The following BMPER variants were observed in gnomAD, a reference collection of about 807,000 sequenced individuals.
BMPER encodes the protein BMP-binding endothelial regulator protein.
A neutral mutation model predicts 87.3 loss-of-function variants in BMPER; 45 were observed. The observed-to-expected ratio is 0.52, with a 90% confidence interval of 0.41 to 0.66. The LOEUF is 0.66. BMPER is among the 30% of genes least tolerant of loss of function. BMPER has a pLI of 0.00. For missense variants in BMPER, 784 were observed against 867.5 expected, an observed-to-expected ratio of 0.90 and a Z score of 1.21; for synonymous variants, 326 against 316.2, an observed-to-expected ratio of 1.03 and a Z score of -0.33.
chr7:33,986,803 C>T (rs1786023159), intron 6 of BMPER, among the ~76,000 whole-genome samples: 1 of 152,148 alleles, frequency 6.6e-6, no homozygotes, highest in Admixed American at 6.5e-5. Context: ...AAATATTAGT[C>T]TCAGAGTACT....
At chr7:33,940,027 T>C (rs1430325521) in intron 3 of BMPER, 2 of 226,078 alleles carry the variant, frequency 8.8e-6, no homozygotes, top group Non-Finnish European at 2.0e-5. Context: ...TTTTGGTGAG[T>C]TTTTTTTTTA....
chr7:34,065,701 T>TA (rs1371311853), intron 11 of BMPER, among the ~76,000 whole-genome samples: 1 of 152,212 alleles, frequency 6.6e-6, no homozygotes. Flanking sequence ...CTTGAATGAT[T>TA]AAAAAAAGTT....
chr7:33,923,713 C>T (rs1784290469), intron 2 of BMPER, among the ~76,000 whole-genome samples: 1 of 152,194 alleles, frequency 6.6e-6, no homozygotes, highest in Non-Finnish European at 1.5e-5. Context: ...TACAGTTGTT[C>T]ATGCACACAT....
chr7:34,007,767 G>C (rs1026124612), intron 6 of BMPER, among the ~76,000 whole-genome samples: 1 of 151,920 alleles, frequency 6.6e-6, no homozygotes, highest in Non-Finnish European at 1.5e-5. Context: ...TATATAATTA[G>C]TATAGATTTG....
intron 13 of BMPER, among the ~76,000 whole-genome samples, chr7:34,127,563 A>T (rs747622840): frequency 5.3e-5 from 8 of 151,988 alleles, no homozygotes; most frequent in Admixed American, 1.3e-4. Context: ...TGGATGTTCC[A>T]TCAGAAACAC....
Position 33,999,607 on chromosome 7 carries a change from G to A in BMPER, c.576+24823G>A, listed in dbSNP as rs79690514. 2.0e-5 allele frequency among the ~76,000 whole-genome samples: 3 copies of A among 152,270 alleles called. No individual in the cohort carries two copies. In the East Asian group the frequency reaches 5.8e-4, roughly 29 times the overall value. ...ATATCAGTTTCTCTTTTCTCTCAGAGCCTTTCCTTCTGGGACCTTCAGTCC... is the reference window on the plus strand; with the variant it reads ...ATATCAGTTTCTCTTTTCTCTCAGAACCTTTCCTTCTGGGACCTTCAGTCC... On this transcript the variant is annotated intron_variant, in intron 6 of 14. Transcript: ENST00000649409.
chr7:34,039,603 T>TACACACACACAC lies in BMPER; in HGVS notation c.577-6674_577-6663dup, dbSNP rs56214614. Among the ~76,000 whole-genome samples, 149 of 142,686 alleles carry TACACACACACAC rather than the reference T, an allele frequency of 1.0e-3. 1 individual carries two copies. Among genetic ancestry groups the TACACACACACAC allele is most frequent in the East Asian group, 6.6e-3 (31 of 4,684 alleles). 93.6% of individuals were successfully genotyped at this position (142,686 alleles called of 152,430 possible). ...TAATCTAGTGGGTAAGACACACAAA[T>TACACACACACAC]ACACACACACACACACACACACACA... On this transcript the variant is annotated intron_variant, in intron 6 of 14. Transcript: ENST00000649409.
At chr7:33,943,242 A>G (rs1343914130) in intron 3 of BMPER, among the ~76,000 whole-genome samples, 1 of 152,156 alleles carries the variant, frequency 6.6e-6, no homozygotes, top group African/African-American at 2.4e-5. Flanking sequence ...TGTATATATA[A>G]TTTTGTTTGT....
At chr7:33,925,025 C>T (rs1024875947) in intron 2 of BMPER, among the ~76,000 whole-genome samples, 3 of 152,170 alleles carry the variant, frequency 2.0e-5, no homozygotes, top group Non-Finnish European at 2.9e-5. Context: ...GTTCCCTTGT[C>T]CCGCTTGATT....
intron 6 of BMPER, among the ~76,000 whole-genome samples, chr7:34,031,704 T>C (rs886287422): frequency 2.6e-5 from 4 of 151,826 alleles, no homozygotes; most frequent in Admixed American, 1.3e-4. Context: ...ATAACACTTA[T>C]AGAGCAAGCA....
rs1478936573 is a variant in BMPER at position 34,154,343 on chromosome 7, C to T, written c.*1070C>T. On this transcript the variant is annotated 3_prime_UTR_variant, in exon 15 of 15. Coordinates refer to ENST00000649409, the MANE Select transcript of BMPER (RefSeq NM_001365308.1). ...AAAGAACAGTCTCTATACTTGCCCT[C>T]ATTTACTGATAGGCTGCTACTAGTT... The T allele has an allele frequency of 6.6e-6, 1 of 152,232 alleles. No homozygotes were observed. The highest frequency in any genetic ancestry group is 1.5e-5 in the Non-Finnish European group (1 of 68,042). The allele number at this position is 152,232 out of a possible 1,614,324, so 9.4% of individuals were successfully genotyped here. A position where few individuals can be genotyped will look rare whatever the true frequency, so the allele number is the denominator to read the frequency against.
At chr7:33,984,029 T>C (rs920965315) in intron 6 of BMPER, among the ~76,000 whole-genome samples, 6 of 152,194 alleles carry the variant, frequency 3.9e-5, no homozygotes, top group Non-Finnish European at 8.8e-5. Context: ...AGAACACATA[T>C]CTGTTATCCT....
chr7:34,132,961 G>C (rs1218465714), intron 13 of BMPER, among the ~76,000 whole-genome samples: 1 of 150,738 alleles, frequency 6.6e-6, no homozygotes, highest in Non-Finnish European at 1.5e-5. Context: ...GTAGGTAAGG[G>C]CACTAGGGAA....
chr7:34,116,488 G>C (rs1790121722), intron 13 of BMPER, among the ~76,000 whole-genome samples: 1 of 152,120 alleles, frequency 6.6e-6, no homozygotes, highest in African/African-American at 2.4e-5. Flanking sequence ...CATTTTCTCT[G>C]TCTCTCTGAA....
chr7:34,037,783 C>T lies in BMPER; in HGVS notation c.577-8523C>T, dbSNP rs142137133. 3.7e-4 allele frequency among the ~76,000 whole-genome samples: 57 copies of T among 152,270 alleles called. 1 individual carries two copies. The East Asian group carries it at 9.3e-3, about 25-fold the overall frequency. ...TGACAAAAGGAGAGGGCGAATAAGA[C>T]GAAAACATTGGATTGTCTGGTTTGA... On this transcript the variant is annotated intron_variant, in intron 6 of 14. Transcript: ENST00000649409.
chr7:34,051,688 A>T (rs1788148608), intron 7 of BMPER, among the ~76,000 whole-genome samples, 173 bp from the exon 8 acceptor site: 1 of 152,178 alleles, frequency 6.6e-6, no homozygotes, highest in South Asian at 2.1e-4. Flanking sequence ...CTTTATCCCA[A>T]CTAATGACTC....
intron 13 of BMPER, among the ~76,000 whole-genome samples, chr7:34,107,891 A>C (rs1789863775): frequency 6.6e-6 from 1 of 152,192 alleles, no homozygotes; most frequent in Non-Finnish European, 1.5e-5. Context: ...AGTATGGTTT[A>C]AATGTTCTAG....
chr7:34,104,701 G>A (rs1789774768), intron 13 of BMPER, among the ~76,000 whole-genome samples: 1 of 152,150 alleles, frequency 6.6e-6, no homozygotes, highest in South Asian at 2.1e-4. Context: ...GGTGGCTGGT[G>A]AAGCCCCTAA....
rs151030310 is a variant in BMPER at position 34,018,523 on chromosome 7, G to T, written c.577-27783G>T. ...CTTCAAAAGGGCCTGGCAAAATTCT[G>T]CATGCCTCGCAAAAGTTGAGAGATG... is the stretch of plus-strand genomic sequence containing the variant. On this transcript the variant is annotated intron_variant, in intron 6 of 14. Transcript: ENST00000649409. 9.8e-3 allele frequency among the ~76,000 whole-genome samples: 1,483 copies of T among 152,068 alleles called. 17 individuals carry two copies. The highest frequency in any genetic ancestry group is 0.021 in the South Asian group (103 of 4,826).
Sources: gnomAD v4.1 joint callset for allele counts (sites outside exome capture counted in the v4.1 genomes callset) on GRCh38, gnomAD v4.1.1 for gene constraint, MANE v1.5 for transcripts, NCBI Gene and HGNC (gene_info 2026-07-23, HGNC 2026-07-21) for gene names.